Variants in UGT8 observed in about 807,000 individuals in gnomAD.
UGT8 encodes the protein 2-hydroxyacylsphingosine 1-beta-galactosyltransferase.
In UGT8, 12 loss-of-function variants were observed where a neutral mutation model predicts 40.5. The observed-to-expected ratio is 0.30, with a 90% confidence interval of 0.19 to 0.48. The LOEUF is 0.48. Ranked by LOEUF, UGT8 falls within the 20% of genes least tolerant of loss-of-function variation. The pLI, the probability that UGT8 is intolerant of heterozygous loss-of-function variation, is 0.99. For synonymous variants in UGT8, 224 were observed against 240.4 expected (o/e 0.93, Z 0.63); for missense variants, 513 against 648.7 (o/e 0.79, Z 2.27).
At chr4:114,668,051 G>A (rs747327669) in intron 4 of UGT8, 34 bp from the exon 5 acceptor site, 1 of 1,602,274 alleles carries the variant, frequency 6.2e-7, no homozygotes. Flanking sequence ...GAGTAATAAT[G>A]TTGTAAGTTG....
chr4:114,644,891 C>T (rs1321878751), intron 2 of UGT8, among the ~76,000 whole-genome samples: 1 of 152,156 alleles, frequency 6.6e-6, no homozygotes, highest in African/African-American at 2.4e-5. Context: ...GCACTACTTT[C>T]ACATGTAGTT....
intron 1 of UGT8, among the ~76,000 whole-genome samples, chr4:114,607,282 C>CTA (rs140180639): frequency 7.9e-4 from 120 of 152,274 alleles, no homozygotes; most frequent in East Asian, 5.8e-4. Context: ...AGTTTTGGAA[C>CTA]TATAGCTCAC....
intron 2 of UGT8, among the ~76,000 whole-genome samples, chr4:114,654,059 A>G (rs1322494619): frequency 1.3e-5 from 2 of 152,124 alleles, no homozygotes; most frequent in Non-Finnish European, 2.9e-5. Flanking sequence ...TATAGCTACC[A>G]GAATTATTTT....
intron 1 of UGT8, 29 bp from the exon 2 acceptor site, chr4:114,622,850 T>G (rs1417379257): frequency 6.4e-7 from 1 of 1,562,364 alleles, no homozygotes. Flanking sequence ...TGTATTTTGT[T>G]TTAAGTTGTT....
rs950803031 is a variant in UGT8, at chr4:114,677,031, C to T, written c.*743C>T. The T allele has an allele frequency of 6.6e-6, 1 of 151,902 alleles. No homozygotes were observed. The highest frequency in any genetic ancestry group is 1.5e-5 in the Non-Finnish European group (1 of 67,986). The allele number at this position is 151,902 out of a possible 1,614,324, so 9.4% of individuals were successfully genotyped here. On this transcript the variant is annotated 3_prime_UTR_variant, in exon 6 of 6. Coordinates refer to ENST00000310836, the MANE Select transcript of UGT8 (RefSeq NM_001128174.3). ...TTTTCACGTTTTACTTTTGTTTTCC[C>T]ACTACCAATAATTTTCCTCTGGAAG...
chr4:114,616,044 G>A (rs1731404631), intron 1 of UGT8, among the ~76,000 whole-genome samples: 1 of 152,132 alleles, frequency 6.6e-6, no homozygotes, highest in Admixed American at 6.5e-5. Flanking sequence ...CTAGTCGGGG[G>A]TCAGGGACCC....
In UGT8 at chr4:114,647,538, G is replaced by A. The variant is rs994822847; in HGVS notation, c.823-16457G>A. The stretch of plus-strand genomic sequence containing the variant: ...GCCACCATGCCCAGCTAATTTTTTT[G>A]TATTTTTAGTAGAGGCGGGGTTTCA... On this transcript the variant is annotated intron_variant, in intron 2 of 5. Coordinates refer to ENST00000310836, the MANE Select transcript of UGT8 (RefSeq NM_001128174.3). Among the ~76,000 whole-genome samples the A allele has an allele frequency of 7.2e-5, 11 of 152,130 alleles. 1 individual carries two copies. The highest frequency in any genetic ancestry group is 2.4e-4 in the African/African-American group (10 of 41,494).
intron 2 of UGT8, among the ~76,000 whole-genome samples, chr4:114,640,611 TTACAAAGGA>T (rs1733163638): frequency 6.6e-6 from 1 of 152,120 alleles, no homozygotes; most frequent in South Asian, 2.1e-4. Context: ...ACTAGGCTGT[TTACAAAGGA>T]AAGTGGTTTA....
chr4:114,663,957 G>A (rs1232006500), intron 2 of UGT8, 38 bp from the exon 3 acceptor site: 1 of 1,608,080 alleles, frequency 6.2e-7, no homozygotes. Flanking sequence ...AAACTACATT[G>A]GTCTTCGTAA....
At chr4:114,632,518 C>A (rs7671477) in intron 2 of UGT8, among the ~76,000 whole-genome samples, 27,051 of 152,072 alleles carry the variant, frequency 0.18, 2,600 homozygotes, top group Middle Eastern at 0.22. Flanking sequence ...ATAAACTTTA[C>A]AAAGTAAGCT....
intron 1 of UGT8, among the ~76,000 whole-genome samples, chr4:114,604,457 C>CTTTT (rs35685088): frequency 7.5e-6 from 1 of 132,934 alleles, no homozygotes; most frequent in East Asian, 2.1e-4. Flanking sequence ...GGTTTGTTTG[C>CTTTT]TTTTTTTTTT....
At chr4:114,611,403 CATAT>C (rs60533468) in intron 1 of UGT8, among the ~76,000 whole-genome samples, 2,322 of 105,306 alleles carry the variant, frequency 0.022, 30 homozygotes, top group African/African-American at 0.042. Context: ...CATATATATC[CATAT>C]ATATATATAT....
chr4:114,634,655 A>G (rs1008071443), intron 2 of UGT8, among the ~76,000 whole-genome samples: 1 of 152,324 alleles, frequency 6.6e-6, no homozygotes, highest in South Asian at 2.1e-4. Context: ...GACTAAACTT[A>G]TACTCTCCTT....
intron 1 of UGT8, among the ~76,000 whole-genome samples, chr4:114,603,108 C>A (rs924238710): frequency 2.0e-5 from 3 of 151,962 alleles, no homozygotes; most frequent in African/African-American, 7.3e-5. Flanking sequence ...GATTAGGTGA[C>A]CAATTTGGTT....
chr4:114,641,183 A>G (rs763892565), intron 2 of UGT8, among the ~76,000 whole-genome samples: 1 of 152,236 alleles, frequency 6.6e-6, no homozygotes, highest in African/African-American at 2.4e-5. Flanking sequence ...CTGATAATCA[A>G]TTGCTGCTAA....
At chr4:114,673,026 C>T (rs2126139820) in intron 5 of UGT8, among the ~76,000 whole-genome samples, 1 of 152,200 alleles carries the variant, frequency 6.6e-6, no homozygotes, top group Admixed American at 6.5e-5. Context: ...CATATCCAAC[C>T]TGTGGTCAAC....
intron 5 of UGT8, among the ~76,000 whole-genome samples, 170 bp downstream of exon 5, chr4:114,668,474 G>A (rs1350909237): frequency 6.6e-6 from 1 of 152,142 alleles, no homozygotes; most frequent in African/African-American, 2.4e-5. Flanking sequence ...AATGAAAACA[G>A]CAGTCATTTG....
chr4:114,601,827 A>G (rs1578394285), intron 1 of UGT8, among the ~76,000 whole-genome samples: 1 of 141,410 alleles, frequency 7.1e-6, no homozygotes, highest in African/African-American at 2.7e-5. Context: ...TCTTCTTTTT[A>G]TGTTTTTTTT....
At chr4:114,674,769 A>T (rs1278095844) in intron 5 of UGT8, among the ~76,000 whole-genome samples, 1 of 152,192 alleles carries the variant, frequency 6.6e-6, no homozygotes, top group East Asian at 1.9e-4. Flanking sequence ...GTTCCTCTAT[A>T]ATGCACAACT....
Sources: gnomAD v4.1 joint callset for allele counts (sites outside exome capture counted in the v4.1 genomes callset) on GRCh38, gnomAD v4.1.1 for gene constraint, MANE v1.5 for transcripts, NCBI Gene and HGNC (gene_info 2026-07-23, HGNC 2026-07-21) for gene names.